CDH13: variants seen among roughly 807,000 people sequenced by gnomAD.
CDH13 encodes the protein cadherin 13.
In CDH13, 24 loss-of-function variants were observed where a neutral mutation model predicts 63.8. The observed-to-expected ratio is 0.38, with a 90% CI of 0.27 to 0.53. The LOEUF (loss-of-function observed/expected upper bound fraction) is 0.53. Among genes scored for constraint, CDH13 ranks in the 20% least tolerant of loss-of-function variants. CDH13 has a pLI of 0.85. For synonymous variants in CDH13, 503 were observed against 355.3 expected, an observed-to-expected ratio of 1.42 and a Z score of -4.67; for missense variants, 1,049 against 903.1, an observed-to-expected ratio of 1.16 and a Z score of -2.07.
intron 4 of CDH13, among the ~76,000 whole-genome samples, chr16:83,191,981 G>C (rs1251824941): frequency 1.3e-5 from 2 of 152,094 alleles, no homozygotes; most frequent in Non-Finnish European, 2.9e-5. Context: ...GATAAAAAGA[G>C]AGAGCAAAAG....
intron 2 of CDH13, among the ~76,000 whole-genome samples, chr16:82,949,308 T>C (rs1259616764): frequency 6.6e-6 from 1 of 152,208 alleles, no homozygotes; most frequent in Non-Finnish European, 1.5e-5. Context: ...TCTGCTTTGT[T>C]CCTCACACAG....
At chr16:83,246,755 T>C (rs1905034835) in intron 5 of CDH13, among the ~76,000 whole-genome samples, 1 of 152,214 alleles carries the variant, frequency 6.6e-6, no homozygotes, top group African/African-American at 2.4e-5. Flanking sequence ...CTGGATCTAA[T>C]CACTTCCTTG....
rs187337000 is a variant in CDH13 at position 83,447,726 on chromosome 16, T to A, written c.782-38751T>A. Among the ~76,000 whole-genome samples the A allele has an allele frequency of 6.3e-3, 932 of 148,978 alleles. 7 individuals carry two copies. The highest frequency in any genetic ancestry group is 0.021 in the African/African-American group (879 of 41,030). On this transcript the variant is annotated intron_variant, in intron 6 of 13. Transcript: ENST00000567109. ...GTGAAGTTAGAGATAATCATTTTTT[T>A]AAATTATATTAAATTATATTTTATA...
At chr16:83,194,856 G>A (rs1464599987) in intron 4 of CDH13, among the ~76,000 whole-genome samples, 1 of 152,160 alleles carries the variant, frequency 6.6e-6, no homozygotes, top group African/African-American at 2.4e-5. Flanking sequence ...CAGGAGGCAA[G>A]GTGGCTTCAT....
chr16:83,557,214 G>A (rs942428800), intron 7 of CDH13, among the ~76,000 whole-genome samples: 2 of 152,104 alleles, frequency 1.3e-5, no homozygotes, highest in African/African-American at 2.4e-5. Context: ...AGTCTGTCAC[G>A]TCTCCCATCA....
At chr16:82,910,694 G>C (rs767873865) in intron 2 of CDH13, among the ~76,000 whole-genome samples, 5 of 152,120 alleles carry the variant, frequency 3.3e-5, no homozygotes, top group Non-Finnish European at 5.9e-5. Context: ...GGTACTTATT[G>C]GTGGCCATGT....
At chr16:83,494,759 T>C (rs1246446672) in intron 7 of CDH13, among the ~76,000 whole-genome samples, 2 of 152,230 alleles carry the variant, frequency 1.3e-5, no homozygotes, top group Non-Finnish European at 2.9e-5. Flanking sequence ...TGATGACATC[T>C]CAAAATGCCT....
chr16:83,670,653 A>C (rs1914418291), intron 8 of CDH13, 137 bp from the exon 9 acceptor site: 7 of 808,664 alleles, frequency 8.7e-6, no homozygotes, highest in Middle Eastern at 2.8e-4. Context: ...AGAGCATAGT[A>C]TCTTCCAACC....
rs1301391166 is a variant in CDH13 at position 83,323,172 on chromosome 16, TTTTTTCTTTCTTTCTTTCTTTCTTTC to T, written c.637-21686_637-21661del. Reference sequence around the variant, plus strand: ...CTACTTCTTTCTTTCTTTCTCTTTCTTTTTTCTTTCTTTCTTTCTTTCTTTCTTTCTTTCTTTCTTTCTTTCTTTCT... The same window carrying T: ...CTACTTCTTTCTTTCTTTCTCTTTCTTTTCTTTCTTTCTTTCTTTCTTTCT... On this transcript the variant is annotated intron_variant, in intron 5 of 13. Transcript: ENST00000567109. Among the ~76,000 whole-genome samples, 71 of 62,928 alleles carry T rather than the reference TTTTTTCTTTCTTTCTTTCTTTCTTTC, an allele frequency of 1.1e-3. 2 individuals are homozygous for T. In the South Asian group the frequency reaches 0.019, roughly 17 times the overall value. The allele number at this position is 62,928 out of a possible 152,430, so 41.3% of individuals were successfully genotyped here. A position where few individuals can be genotyped will look rare whatever the true frequency, so the allele number is the denominator to read the frequency against.
intron 6 of CDH13, among the ~76,000 whole-genome samples, chr16:83,413,406 T>C (rs533540703): frequency 6.6e-6 from 1 of 152,090 alleles, no homozygotes; most frequent in African/African-American, 2.4e-5. Flanking sequence ...TCCTCCTCCA[T>C]AGTCCATCAT....
chr16:82,994,135 C>T (rs1367206272), intron 2 of CDH13, among the ~76,000 whole-genome samples: 2 of 152,102 alleles, frequency 1.3e-5, no homozygotes, highest in Non-Finnish European at 2.9e-5. Flanking sequence ...TGTTCTATTC[C>T]CCTTCTCTTC....
intron 4 of CDH13, among the ~76,000 whole-genome samples, chr16:83,153,700 C>G (rs926732906): frequency 6.6e-6 from 1 of 152,156 alleles, no homozygotes. Flanking sequence ...CAACATACAA[C>G]AGATTCTCCC....
At chr16:83,443,652 C>T (rs556626809) in intron 6 of CDH13, among the ~76,000 whole-genome samples, 10 of 146,810 alleles carry the variant, frequency 6.8e-5, no homozygotes, top group Non-Finnish European at 1.5e-4. Flanking sequence ...AGGAGGACCA[C>T]TTGAGCCTGG....
intron 1 of CDH13, among the ~76,000 whole-genome samples, chr16:82,764,390 T>G (rs1317198259): frequency 1.3e-5 from 2 of 152,224 alleles, no homozygotes; most frequent in African/African-American, 4.8e-5. Flanking sequence ...GGAGGATTCT[T>G]TCAGCTCTTA....
intron 1 of CDH13, among the ~76,000 whole-genome samples, chr16:82,658,543 C>T (rs1911565064): frequency 6.6e-6 from 1 of 152,204 alleles, no homozygotes; most frequent in Admixed American, 6.5e-5. Context: ...GTATAAATTG[C>T]ACCTCCGTTG....
chr16:82,956,785 T>C (rs1231619696), intron 2 of CDH13, among the ~76,000 whole-genome samples: 2 of 152,208 alleles, frequency 1.3e-5, no homozygotes, highest in Non-Finnish European at 1.5e-5. Context: ...GAAAAGTACT[T>C]TTTCAATAAC....
intron 4 of CDH13, among the ~76,000 whole-genome samples, chr16:83,165,645 A>G (rs2151719162): frequency 6.6e-6 from 1 of 152,200 alleles, no homozygotes; most frequent in African/African-American, 2.4e-5. Context: ...AAGGGGAGGA[A>G]GGATAAGAAG....
intron 3 of CDH13, among the ~76,000 whole-genome samples, chr16:83,108,037 G>T (rs964379269): frequency 2.0e-5 from 3 of 152,050 alleles, no homozygotes; most frequent in Non-Finnish European, 2.9e-5. Context: ...TGGACAGGCT[G>T]GTCTTGACTC....
At chr16:82,957,955 T>C (rs2151334706) in intron 2 of CDH13, among the ~76,000 whole-genome samples, 1 of 152,352 alleles carries the variant, frequency 6.6e-6, no homozygotes, top group Non-Finnish European at 1.5e-5. Context: ...AAAGGAGTCC[T>C]GTGGAAGACG....
Sources: gnomAD v4.1 joint callset for allele counts (sites outside exome capture counted in the v4.1 genomes callset) on GRCh38, gnomAD v4.1.1 for gene constraint, MANE v1.5 for transcripts, NCBI Gene and HGNC (gene_info 2026-07-23, HGNC 2026-07-21) for gene names.